The following ADAMTS17 variants were observed in gnomAD, a reference collection of about 807,000 sequenced individuals.
The protein encoded by ADAMTS17 is A disintegrin and metalloproteinase with thrombospondin motifs 17.
Under a neutral mutation model 141.5 loss-of-function variants are expected in ADAMTS17, and 113 were observed. The ratio of observed to expected loss-of-function variants is 0.80; its 90% CI spans 0.69 to 0.93. ADAMTS17 has a LOEUF of 0.93. Ranked by LOEUF, ADAMTS17 falls within the 40% of genes least tolerant of loss-of-function variation. The pLI, the probability that ADAMTS17 is intolerant of heterozygous loss-of-function variation, is 0.00. For missense variants in ADAMTS17, 1,659 were observed against 1,517.9 expected (o/e 1.09, Z -1.54); for synonymous variants, 768 against 630.6 (o/e 1.22, Z -3.27).
Position 100,280,104 on chromosome 15 carries a change from G to A in ADAMTS17, c.789+1125C>T, listed in dbSNP as rs118084431. ...GCTACTTCAGCTGCTGCTGTAGGCT[G>A]AAAAGCCCAGGTCCCTCTTTCCCAC... On this transcript the variant is annotated intron_variant, in intron 4 of 21. Coordinates refer to ENST00000268070, the MANE Select transcript of ADAMTS17 (RefSeq NM_139057.4). Among the ~76,000 whole-genome samples, 603 of 152,186 alleles carry A rather than the reference G, an allele frequency of 4.0e-3. 2 individuals are homozygous for A. Among genetic ancestry groups the A allele is most frequent in the Non-Finnish European group, 5.3e-3 (362 of 67,996 alleles).
chr15:100,229,347 C>A (rs1596322230), intron 7 of ADAMTS17, among the ~76,000 whole-genome samples: 1 of 151,426 alleles, frequency 6.6e-6, no homozygotes, highest in African/African-American at 2.4e-5. Flanking sequence ...TAATATCCTG[C>A]CCTGCAACTC....
chr15:100,312,904 C>T (rs2045448912), intron 3 of ADAMTS17, among the ~76,000 whole-genome samples: 1 of 152,076 alleles, frequency 6.6e-6, no homozygotes, highest in Admixed American at 6.5e-5. Context: ...AAGGGAGGCC[C>T]TTACACATTT....
At chr15:100,117,399 G>T in intron 12 of ADAMTS17, among the ~76,000 whole-genome samples, 1 of 132,706 alleles carries the variant, frequency 7.5e-6, no homozygotes, top group East Asian at 2.0e-4. Context: ...CTGAAATGAA[G>T]ACCTTTAAAT....
chr15:100,231,539 T>C (rs917899983), intron 7 of ADAMTS17, among the ~76,000 whole-genome samples: 1 of 152,208 alleles, frequency 6.6e-6, no homozygotes, highest in African/African-American at 2.4e-5. Context: ...ATCTGTTTCC[T>C]TCTCCACTGA....
rs557236152 is a variant in ADAMTS17 at position 100,268,298 on chromosome 15, G to A, written c.790-5863C>T. Among the ~76,000 whole-genome samples, 226 of 152,212 alleles carry A rather than the reference G, an allele frequency of 1.5e-3. 1 individual carries two copies. The highest frequency in any genetic ancestry group is 5.2e-3 in the African/African-American group (215 of 41,518). ...GTTTTTATGGCAGAATGATCTATAC[G>A]CCTTTGGGTGTATACTCAGTAATGG... On this transcript the variant is annotated intron_variant, in intron 4 of 21. Transcript: ENST00000268070.
intron 4 of ADAMTS17, among the ~76,000 whole-genome samples, chr15:100,280,671 G>C (rs1335013014): frequency 6.6e-6 from 1 of 152,110 alleles, no homozygotes; most frequent in Non-Finnish European, 1.5e-5. Context: ...AAAATGAATG[G>C]GTGGGTAAAG....
At chr15:100,072,737 A>C (rs2034070759) in intron 15 of ADAMTS17, among the ~76,000 whole-genome samples, 1 of 152,180 alleles carries the variant, frequency 6.6e-6, no homozygotes, top group African/African-American at 2.4e-5. Context: ...CCCTCCTTAC[A>C]CCTTATACAA....
At chr15:100,135,519 G>A (rs931618961) in intron 10 of ADAMTS17, among the ~76,000 whole-genome samples, 5 of 152,058 alleles carry the variant, frequency 3.3e-5, no homozygotes, top group Non-Finnish European at 7.4e-5. Flanking sequence ...TCCTGACCTC[G>A]TGATCCACCC....
In ADAMTS17 at chr15:100,109,184, C is replaced by T. The variant is rs866501845; in HGVS notation, c.1889-68G>A. The T allele has an allele frequency of 7.1e-6, 11 of 1,553,558 alleles. No individual in the cohort carries two copies. The South Asian group carries it at 1.2e-4, about 17-fold the overall frequency. ...GCGTGGGCCATGCAGGGCACAGGTA[C>T]ATGTGGGCAGAGGGAAACCCTGAGG... On this transcript the variant is annotated intron_variant, in intron 13 of 21. Coordinates refer to ENST00000268070, the MANE Select transcript of ADAMTS17 (RefSeq NM_139057.4).
At chr15:100,154,178 C>G (rs1328565360) in intron 9 of ADAMTS17, among the ~76,000 whole-genome samples, 1 of 152,160 alleles carries the variant, frequency 6.6e-6, no homozygotes, top group African/African-American at 2.4e-5. Flanking sequence ...GAGACTCCAT[C>G]TCAAGAAACA....
intron 8 of ADAMTS17, among the ~76,000 whole-genome samples, chr15:100,169,690 C>T (rs921129088): frequency 6.6e-6 from 1 of 152,188 alleles, no homozygotes; most frequent in Non-Finnish European, 1.5e-5. Flanking sequence ...GAAGTGGCCA[C>T]GTGGAGGCTG....
intron 7 of ADAMTS17, among the ~76,000 whole-genome samples, chr15:100,223,991 G>A (rs189045673): frequency 7.9e-5 from 12 of 152,236 alleles, no homozygotes; most frequent in Non-Finnish European, 4.4e-5. Context: ...GGAGAAAGAC[G>A]TAGGCTGGGA....
chr15:100,077,797 C>G (rs1596361480), intron 15 of ADAMTS17, among the ~76,000 whole-genome samples: 1 of 152,216 alleles, frequency 6.6e-6, no homozygotes, highest in South Asian at 2.1e-4. Context: ...ATAAAGCATA[C>G]AGATTGGAAA....
intron 8 of ADAMTS17, among the ~76,000 whole-genome samples, chr15:100,188,169 C>T (rs552868685): frequency 1.3e-5 from 2 of 151,970 alleles, no homozygotes; most frequent in African/African-American, 2.4e-5. Flanking sequence ...CTCCACCTCC[C>T]GGGTTTAAGG....
At chr15:100,134,088 G>A (rs960856988) in intron 10 of ADAMTS17, among the ~76,000 whole-genome samples, 1 of 152,212 alleles carries the variant, frequency 6.6e-6, no homozygotes, top group African/African-American at 2.4e-5. Flanking sequence ...GACACAGCCA[G>A]TGTCCTCTCT....
intron 18 of ADAMTS17, among the ~76,000 whole-genome samples, chr15:100,036,531 G>A (rs1213481973): frequency 1.3e-5 from 2 of 152,206 alleles, no homozygotes; most frequent in South Asian, 4.1e-4. Context: ...GGGAGCCTGC[G>A]GGAGGCCTCT....
At chr15:100,301,226 G>C (rs1057431193) in intron 3 of ADAMTS17, among the ~76,000 whole-genome samples, 19 of 152,022 alleles carry the variant, frequency 1.2e-4, no homozygotes, top group African/African-American at 3.4e-4. Flanking sequence ...ATTTCAACTG[G>C]GGATTTTAAC....
At chr15:100,051,125 C>A (rs565551992) in intron 17 of ADAMTS17, among the ~76,000 whole-genome samples, 1 of 152,292 alleles carries the variant, frequency 6.6e-6, no homozygotes, top group Admixed American at 6.5e-5. Context: ...GAACGTTTCA[C>A]CCGACTTGCA....
intron 8 of ADAMTS17, among the ~76,000 whole-genome samples, chr15:100,162,740 C>A (rs1171389595): frequency 7.1e-6 from 1 of 141,424 alleles, no homozygotes; most frequent in Non-Finnish European, 1.5e-5. Context: ...TATATATGCA[C>A]ATATACACAT....
Sources: gnomAD v4.1 joint callset for allele counts (sites outside exome capture counted in the v4.1 genomes callset) on GRCh38, gnomAD v4.1.1 for gene constraint, MANE v1.5 for transcripts, NCBI Gene and HGNC (gene_info 2026-07-23, HGNC 2026-07-21) for gene names.